The following CDK14 variants were observed in gnomAD, a reference collection of about 807,000 sequenced individuals.
The protein encoded by CDK14 is cyclin dependent kinase 14.
Under a neutral mutation model 60.7 loss-of-function variants are expected in CDK14, and 34 were observed. The ratio of observed to expected loss-of-function variants is 0.56; its 90% CI spans 0.43 to 0.75. CDK14 has a LOEUF of 0.75. Among genes scored for constraint, CDK14 ranks in the 30% least tolerant of loss-of-function variants. The pLI, the probability that CDK14 is intolerant of heterozygous loss-of-function variation, is 0.00. For synonymous variants in CDK14, 197 were observed against 203.7 expected, an observed-to-expected ratio of 0.97 and a Z score of 0.28; for missense variants, 482 against 564.1, an observed-to-expected ratio of 0.85 and a Z score of 1.47.
chr7:90,946,706 C>A (rs1794112288), intron 8 of CDK14, among the ~76,000 whole-genome samples: 1 of 152,126 alleles, frequency 6.6e-6, no homozygotes, highest in Non-Finnish European at 1.5e-5. Context: ...TTCAGAAGAG[C>A]CTTTTATTTC....
chr7:90,743,604 A>G (rs112981846), intron 3 of CDK14, among the ~76,000 whole-genome samples: 1 of 152,070 alleles, frequency 6.6e-6, no homozygotes, highest in African/African-American at 2.4e-5. Context: ...CTTGTCTTTC[A>G]TTATCACTTC....
At chr7:90,776,815 G>A (rs984216687) in intron 4 of CDK14, among the ~76,000 whole-genome samples, 7 of 152,060 alleles carry the variant, frequency 4.6e-5, no homozygotes, top group African/African-American at 1.7e-4. Context: ...TGATCTTTGA[G>A]GATCTATGAA....
chr7:91,199,638 TAA>T (rs1390413928), intron 14 of CDK14, among the ~76,000 whole-genome samples: 1 of 152,244 alleles, frequency 6.6e-6, no homozygotes, highest in African/African-American at 2.4e-5. Context: ...AATGATATGT[TAA>T]GTCAGTCTTC....
intron 3 of CDK14, among the ~76,000 whole-genome samples, chr7:90,730,743 C>T (rs1802829391): frequency 6.6e-6 from 1 of 152,058 alleles, no homozygotes; most frequent in Non-Finnish European, 1.5e-5. Context: ...TTTGTAGATT[C>T]TGGATATTAG....
chr7:90,906,089 G>A (rs187542551), intron 7 of CDK14, among the ~76,000 whole-genome samples: 26 of 152,090 alleles, frequency 1.7e-4, no homozygotes, highest in Admixed American at 1.4e-3. Context: ...TATGTCATGG[G>A]TATTTCTGTT....
chr7:90,822,925 T>G (rs555018253), intron 5 of CDK14, among the ~76,000 whole-genome samples: 1 of 152,188 alleles, frequency 6.6e-6, no homozygotes, highest in African/African-American at 2.4e-5. Context: ...TGTGTACTTA[T>G]GATTTGTGCT....
intron 3 of CDK14, among the ~76,000 whole-genome samples, chr7:90,742,146 G>A (rs1185638169): frequency 6.6e-6 from 1 of 151,918 alleles, no homozygotes; most frequent in South Asian, 2.1e-4. Flanking sequence ...CTAGTTAAAA[G>A]CATTTTATAT....
At chr7:91,163,580 T>C (rs1388490567) in intron 14 of CDK14, among the ~76,000 whole-genome samples, 1 of 152,204 alleles carries the variant, frequency 6.6e-6, no homozygotes, top group Non-Finnish European at 1.5e-5. Flanking sequence ...AATTGACATA[T>C]CCATCACCTC....
intron 14 of CDK14, among the ~76,000 whole-genome samples, chr7:91,134,493 G>C (rs1228914984): frequency 6.6e-6 from 1 of 152,126 alleles, no homozygotes; most frequent in African/African-American, 2.4e-5. Context: ...GGGGTAGAAA[G>C]ACTGGGAAGG....
At chr7:91,030,122 A>G (rs1008432747) in intron 10 of CDK14, among the ~76,000 whole-genome samples, 1 of 152,222 alleles carries the variant, frequency 6.6e-6, no homozygotes, top group South Asian at 2.1e-4. Context: ...TAGTATACAC[A>G]TATTAAAATT....
rs1792425010 is a variant in CDK14 at position 90,899,157 on chromosome 7, T to C, written c.640-134T>C. The C allele has an allele frequency of 8.3e-6, 5 of 603,196 alleles. No homozygotes were observed. In the Middle Eastern group the frequency reaches 1.4e-3, roughly 164 times the overall value. 37.4% of individuals were successfully genotyped at this position (603,196 alleles called of 1,614,324 possible). On this transcript the variant is annotated intron_variant, in intron 6 of 14. Transcript: ENST00000380050. ...GGGGGTGGGGAGGCATGCCACTACA[T>C]ACACTGAAAAATCCACCCACTTGTC... is the stretch of plus-strand genomic sequence containing the variant.
intron 2 of CDK14, among the ~76,000 whole-genome samples, chr7:90,721,885 G>A (rs146085351): frequency 6.6e-6 from 1 of 152,134 alleles, no homozygotes; most frequent in Admixed American, 6.5e-5. Flanking sequence ...ATTTTGCTGT[G>A]GGCAGAAAGA....
At chr7:90,705,763 A>T (rs1014371929) in intron 2 of CDK14, among the ~76,000 whole-genome samples, 3 of 151,534 alleles carry the variant, frequency 2.0e-5, no homozygotes, top group Non-Finnish European at 4.4e-5. Context: ...GTCGATTTTG[A>T]TGCTAAAAAG....
intron 10 of CDK14, among the ~76,000 whole-genome samples, chr7:91,029,721 A>G (rs1437059244): frequency 6.6e-6 from 1 of 151,270 alleles, no homozygotes; most frequent in Non-Finnish European, 1.5e-5. Flanking sequence ...ATTGGTGTGT[A>G]GCAGTGCTAC....
chr7:91,163,983 C>A (rs561021621), intron 14 of CDK14, among the ~76,000 whole-genome samples: 1 of 152,266 alleles, frequency 6.6e-6, no homozygotes, highest in South Asian at 2.1e-4. Context: ...GTTGTGTGGT[C>A]ATATTGGATT....
intron 6 of CDK14, among the ~76,000 whole-genome samples, chr7:90,868,329 ACAC>A (rs1380622556): frequency 1.6e-4 from 24 of 151,478 alleles, no homozygotes; most frequent in Non-Finnish European, 4.4e-5. Flanking sequence ...ACACATACAT[ACAC>A]ACACATTAAT....
chr7:90,722,745 T>C (rs1329893360), intron 2 of CDK14, among the ~76,000 whole-genome samples: 1 of 152,184 alleles, frequency 6.6e-6, no homozygotes, highest in African/African-American at 2.4e-5. Context: ...AACTGTGCCA[T>C]AGTCAGATCC....
chr7:90,745,546 G>A (rs11768745), intron 3 of CDK14, among the ~76,000 whole-genome samples: 26,289 of 152,050 alleles, frequency 0.17, 2,376 homozygotes, highest in African/African-American at 0.19. Flanking sequence ...CTCCCGAGTA[G>A]CTGGGACTAC....
chr7:90,699,395 A>C (rs1373685410), intron 2 of CDK14, among the ~76,000 whole-genome samples: 6 of 152,204 alleles, frequency 3.9e-5, no homozygotes, highest in Admixed American at 3.9e-4. Context: ...ACACTATTCT[A>C]AGTAGTTTGT....
Sources: gnomAD v4.1 joint callset for allele counts (sites outside exome capture counted in the v4.1 genomes callset) on GRCh38, gnomAD v4.1.1 for gene constraint, MANE v1.5 for transcripts, NCBI Gene and HGNC (gene_info 2026-07-23, HGNC 2026-07-21) for gene names.